The following DCC variants were observed in gnomAD, a reference collection of about 807,000 sequenced individuals.
The protein encoded by DCC is netrin receptor DCC.
Under a neutral mutation model 172.5 loss-of-function variants are expected in DCC, and 58 were observed. The observed-to-expected ratio is 0.34, with a 90% confidence interval of 0.27 to 0.42. DCC has a LOEUF of 0.42. DCC is among the 10% of genes least tolerant of loss of function. The pLI, the probability that DCC is intolerant of heterozygous loss-of-function variation, is 1.00. For missense variants in DCC, 1,740 were observed against 1,791.0 expected (o/e 0.97, Z 0.51); for synonymous variants, 709 against 644.5 (o/e 1.10, Z -1.52).
intron 1 of DCC, among the ~76,000 whole-genome samples, chr18:52,459,393 CTT>C (rs367994360): frequency 1.3e-4 from 20 of 152,238 alleles, no homozygotes; most frequent in African/African-American, 4.8e-4. Context: ...TTGTTTCCCT[CTT>C]TGTGTCCATA....
chr18:52,926,070 C>A (rs1261378181), intron 5 of DCC, among the ~76,000 whole-genome samples: 1 of 151,876 alleles, frequency 6.6e-6, no homozygotes, highest in Admixed American at 6.6e-5. Flanking sequence ...AGTGCCTTAA[C>A]ATTTGGATTT....
intron 1 of DCC, among the ~76,000 whole-genome samples, chr18:52,478,902 A>T (rs1989172737): frequency 6.6e-6 from 1 of 152,168 alleles, no homozygotes; most frequent in African/African-American, 2.4e-5. Flanking sequence ...TTGTGAGGGG[A>T]CACAGATCCA....
At chr18:53,136,693 G>A (rs2043748241) in intron 7 of DCC, among the ~76,000 whole-genome samples, 1 of 152,032 alleles carries the variant, frequency 6.6e-6, no homozygotes, top group South Asian at 2.1e-4. Flanking sequence ...TGCTTGTGGT[G>A]GTGATTTTTT....
intron 1 of DCC, among the ~76,000 whole-genome samples, chr18:52,505,317 A>G (rs758689577): frequency 5.9e-5 from 9 of 152,202 alleles, no homozygotes; most frequent in Non-Finnish European, 1.3e-4. Flanking sequence ...GTTAATGAAG[A>G]TGATTCCTAT....
chr18:52,655,809 TTTC>T (rs1034892352), intron 1 of DCC, among the ~76,000 whole-genome samples: 4 of 151,834 alleles, frequency 2.6e-5, no homozygotes, highest in Admixed American at 6.6e-5. Flanking sequence ...AAGACACAAA[TTTC>T]TTCAAGAGGT....
At chr18:52,976,724 C>A (rs1419085973) in intron 5 of DCC, among the ~76,000 whole-genome samples, 1 of 152,148 alleles carries the variant, frequency 6.6e-6, no homozygotes, top group Non-Finnish European at 1.5e-5. Flanking sequence ...GGTTTCTTCC[C>A]CCTGAGGATA....
At chr18:53,153,460 C>G (rs1286327741) in intron 7 of DCC, among the ~76,000 whole-genome samples, 1 of 152,134 alleles carries the variant, frequency 6.6e-6, no homozygotes, top group Non-Finnish European at 1.5e-5. Flanking sequence ...CTCACACACA[C>G]TTCAACTGAG....
chr18:52,699,567 G>A (rs2036073200), intron 1 of DCC, among the ~76,000 whole-genome samples: 1 of 152,160 alleles, frequency 6.6e-6, no homozygotes, highest in Admixed American at 6.5e-5. Flanking sequence ...ACCAGTTCAA[G>A]GGAAATGACA....
intron 12 of DCC, among the ~76,000 whole-genome samples, chr18:53,223,317 A>C (rs528060744): frequency 1.3e-5 from 2 of 152,278 alleles, no homozygotes; most frequent in Admixed American, 6.5e-5. Flanking sequence ...AAGGATTTTG[A>C]CAAAAAGAGA....
At chr18:52,865,581 A>C (rs1443321389) in intron 2 of DCC, among the ~76,000 whole-genome samples, 3 of 151,330 alleles carry the variant, frequency 2.0e-5, no homozygotes, top group Non-Finnish European at 4.4e-5. Flanking sequence ...AGTATTTATT[A>C]GTATTTCTCT....
intron 12 of DCC, among the ~76,000 whole-genome samples, chr18:53,218,826 T>C (rs1410837061): frequency 6.6e-6 from 1 of 152,174 alleles, no homozygotes; most frequent in Non-Finnish European, 1.5e-5. Context: ...ATTCAATTAT[T>C]ATTGATTCAG....
intron 15 of DCC, among the ~76,000 whole-genome samples, chr18:53,360,744 C>A (rs1477999957): frequency 6.6e-6 from 1 of 152,064 alleles, no homozygotes; most frequent in African/African-American, 2.4e-5. Context: ...AATCTTTGTG[C>A]CGATAGCATA....
chr18:53,411,665 A>G (rs560518946), intron 20 of DCC, among the ~76,000 whole-genome samples: 1 of 152,302 alleles, frequency 6.6e-6, no homozygotes, highest in Admixed American at 6.5e-5. Flanking sequence ...AGCTATTCAA[A>G]AGCTGGGTTT....
At chr18:52,890,662 A>G (rs1393445389) in intron 2 of DCC, among the ~76,000 whole-genome samples, 1 of 152,140 alleles carries the variant, frequency 6.6e-6, no homozygotes, top group Non-Finnish European at 1.5e-5. Flanking sequence ...ATAGTTCTAT[A>G]TCTAAGACTC....
chr18:53,423,503 C>T (rs1370449799), intron 21 of DCC, among the ~76,000 whole-genome samples: 1 of 152,128 alleles, frequency 6.6e-6, no homozygotes, highest in Non-Finnish European at 1.5e-5. Flanking sequence ...GGAAAAAGTG[C>T]ATTTTTCACA....
At chr18:52,723,959 C>T (rs1036608418) in intron 1 of DCC, among the ~76,000 whole-genome samples, 2 of 152,150 alleles carry the variant, frequency 1.3e-5, no homozygotes, top group Non-Finnish European at 2.9e-5. Flanking sequence ...AACACTGTCT[C>T]AGAAGTGGGA....
chr18:53,022,596 A>G (rs1813201552), intron 5 of DCC, among the ~76,000 whole-genome samples: 1 of 151,428 alleles, frequency 6.6e-6, no homozygotes, highest in Non-Finnish European at 1.5e-5. Flanking sequence ...CCATGGGAAA[A>G]CTAGGAACTC....
chr18:53,125,539 C>A (rs1236515808), intron 7 of DCC, among the ~76,000 whole-genome samples: 1 of 151,998 alleles, frequency 6.6e-6, no homozygotes, highest in Non-Finnish European at 1.5e-5. Context: ...ATAGGTCTTC[C>A]CATTTGTTGG....
At chr18:53,017,381 G>A (rs1176367513) in intron 5 of DCC, among the ~76,000 whole-genome samples, 1 of 152,102 alleles carries the variant, frequency 6.6e-6, no homozygotes, top group Non-Finnish European at 1.5e-5. Flanking sequence ...TATAATTTAA[G>A]CAAGAAATGT....
Sources: gnomAD v4.1 joint callset for allele counts (sites outside exome capture counted in the v4.1 genomes callset) on GRCh38, gnomAD v4.1.1 for gene constraint, MANE v1.5 for transcripts, NCBI Gene and HGNC (gene_info 2026-07-23, HGNC 2026-07-21) for gene names.